Variants in CBLL1 observed in about 807,000 individuals in gnomAD.
CBLL1 encodes E3 ubiquitin-protein ligase Hakai.
A neutral mutation model predicts 44.9 loss-of-function variants in CBLL1; 4 were observed. The observed-to-expected ratio is 0.09, with a 90% CI of 0.04 to 0.20. The LOEUF (loss-of-function observed/expected upper bound fraction) is 0.20, where lower values mean the gene tolerates loss of function less well. CBLL1 is among the 10% of genes least tolerant of loss of function. The probability of loss-of-function intolerance (pLI) is 1.00; values close to 1 mark genes in which losing one functional copy is unlikely to be tolerated. For synonymous variants in CBLL1, 235 were observed against 202.2 expected, an observed-to-expected ratio of 1.16 and a Z score of -1.38; for missense variants, 569 against 636.7, an observed-to-expected ratio of 0.89 and a Z score of 1.14.
Position 107,758,507 on chromosome 7 carries a change from A to G in CBLL1, c.805A>G (p.Met269Val), listed in dbSNP as rs144949923. The change falls in exon 6 of 6, where the codon ATG becomes GTG. Residue 269 changes from methionine to valine, a missense_variant. By Grantham distance (21) the Met-to-Val change is conservative (BLOSUM62 1). Coordinates refer to ENST00000440859, the MANE Select transcript of CBLL1 (RefSeq NM_024814.4). The surrounding 1 kb of genome is among the most constrained non-coding windows in gnomAD (Gnocchi z 4.2). ...DIRAPPAELS[M>V]APPPPRSVSQ... ...TCGTGCTCCTCCAGCAGAATTGTCC[A>G]TGGCTCCACCTCCACCTCGATCGGT... The G allele has an allele frequency of 3.7e-6, 6 of 1,614,036 alleles. No individual in the cohort carries two copies. The African/African-American group carries it at 4.0e-5, about 11-fold the overall frequency.
chr7:107,748,087 ACTC>A (rs1793098707), intron 1 of CBLL1, among the ~76,000 whole-genome samples: 1 of 152,120 alleles, frequency 6.6e-6, no homozygotes, highest in African/African-American at 2.4e-5. Flanking sequence ...ATGAAATAAT[ACTC>A]CTGTTACTCA....
At chr7:107,757,588 C>A (rs1190422456) in intron 5 of CBLL1, among the ~76,000 whole-genome samples, 1 of 152,188 alleles carries the variant, frequency 6.6e-6, no homozygotes, top group Non-Finnish European at 1.5e-5. Flanking sequence ...TCAGAAAAAA[C>A]CCTTCTTTAA....
At position 107,744,196 on chromosome 7, in the gene CBLL1, G is replaced by C; in HGVS notation, c.13+20G>C. 6.5e-7 allele frequency: 1 copy of C among 1,545,618 alleles called. No individual in the cohort carries two copies. Among genetic ancestry groups the C allele is most frequent in the East Asian group, 2.4e-5 (1 of 40,848 alleles). On this transcript the variant is annotated intron_variant, in intron 1 of 5. Transcript: ENST00000440859. ...ACACTGGTAAGGAGGCGGAGGCAGT[G>C]GGGGTCCCGGTTCCAAGCCCCCTTG...
At chr7:107,751,769 T>C (rs1793301902) in intron 2 of CBLL1, among the ~76,000 whole-genome samples, 1 of 152,230 alleles carries the variant, frequency 6.6e-6, no homozygotes, top group Admixed American at 6.5e-5. Flanking sequence ...AATAAGTTTG[T>C]TTTTGATTGT....
rs769546676 is a variant in CBLL1 at position 107,744,157 on chromosome 7, C to A, written c.-7C>A. 1 of 1,554,102 alleles carries A rather than the reference C, an allele frequency of 6.4e-7. No homozygotes were observed. The highest frequency in any genetic ancestry group is 1.2e-5 in the South Asian group (1 of 84,154). On this transcript the variant is annotated 5_prime_UTR_variant, in exon 1 of 6. Coordinates refer to ENST00000440859, the MANE Select transcript of CBLL1 (RefSeq NM_024814.4). ...TTCCGCTCCCACTGTGCTCTGCGAG[C>A]CGAATCATGGATCACACTGGTAAGG...
intron 2 of CBLL1, among the ~76,000 whole-genome samples, chr7:107,750,963 A>T (rs1287343541): frequency 2.7e-5 from 4 of 145,852 alleles, no homozygotes; most frequent in African/African-American, 1.1e-4. Context: ...ATTAAGGGGA[A>T]AAAAGGTGGG....
chr7:107,748,808 T>C (rs1793129327), intron 1 of CBLL1, 72 bp from the exon 2 acceptor site: 1 of 1,347,422 alleles, frequency 7.4e-7, no homozygotes, highest in Non-Finnish European at 1.0e-6. Flanking sequence ...GTATGGTGTT[T>C]TAATACCTGT....
intron 5 of CBLL1, among the ~76,000 whole-genome samples, chr7:107,756,231 A>G (rs566311383): frequency 6.6e-6 from 1 of 152,286 alleles, no homozygotes; most frequent in East Asian, 1.9e-4. Context: ...GGCTTCTTAG[A>G]TCACTTATAA....
intron 4 of CBLL1, among the ~76,000 whole-genome samples, chr7:107,754,996 C>A (rs187267483): frequency 6.6e-6 from 1 of 152,176 alleles, no homozygotes; most frequent in Admixed American, 6.5e-5. Flanking sequence ...TGTGGTGGCA[C>A]ACACCTGTGT....
Position 107,758,607 on chromosome 7 carries a change from A to T in CBLL1, c.905A>T (p.Asn302Ile). ...ACCGTCCCTATTCAGGATGACTCAA[A>T]TTCAGGTGCTAGAGAACCACCACCT... The part of the protein sequence containing the change: ...LITVPIQDDS[N>I]SGAREPPPPA... The change falls in exon 6 of 6, where the codon AAT (asparagine) becomes ATT (isoleucine). Residue 302 changes from asparagine (N) to isoleucine (I), a missense_variant. Physicochemically the swap from Asn to Ile is moderately radical, Grantham distance 149. This residue lies in a region of CBLL1 where 228 missense variants were observed against 253.2 expected (regional missense o/e 0.90). Transcript: ENST00000440859. This position sits in a 1 kb window ranked among gnomAD's most constrained non-coding sequence, Gnocchi z 4.2. 1 of 1,614,022 alleles carries T rather than the reference A, an allele frequency of 6.2e-7. No individual in the cohort carries two copies. Among genetic ancestry groups the T allele is most frequent in the Non-Finnish European group, 8.5e-7 (1 of 1,179,988 alleles).
At chr7:107,746,767 G>C in intron 1 of CBLL1, among the ~76,000 whole-genome samples, 1 of 152,142 alleles carries the variant, frequency 6.6e-6, no homozygotes, top group Admixed American at 6.5e-5. Flanking sequence ...TGTTCTAATA[G>C]AATCTTGCCA....
At chr7:107,753,543 C>A in intron 3 of CBLL1, 32 bp downstream of exon 3, 2 of 1,253,458 alleles carry the variant, frequency 1.6e-6, no homozygotes, top group Non-Finnish European at 2.2e-6. Context: ...TGTATTATAA[C>A]AATAAAATAT....
chr7:107,749,874 G>A (rs945534754), intron 2 of CBLL1, among the ~76,000 whole-genome samples: 9 of 151,894 alleles, frequency 5.9e-5, no homozygotes, highest in African/African-American at 2.2e-4. Context: ...CCTTTCTTCT[G>A]AGTTCTTTGT....
chr7:107,757,913 C>G (rs1056531555), intron 5 of CBLL1, among the ~76,000 whole-genome samples: 5 of 151,988 alleles, frequency 3.3e-5, no homozygotes, highest in African/African-American at 9.7e-5. Context: ...TTGAAACATA[C>G]CGTTTGATAT....
intron 1 of CBLL1, chr7:107,744,842 G>C (rs1792928817): frequency 6.6e-6 from 1 of 152,196 alleles, no homozygotes; most frequent in Non-Finnish European, 1.5e-5. Context: ...CTCCAAGTAA[G>C]AGTGGCTCCA....
At chr7:107,744,314 C>G (rs1015329034) in intron 1 of CBLL1, 138 bp downstream of exon 1, 7 of 1,090,570 alleles carry the variant, frequency 6.4e-6, no homozygotes, top group Non-Finnish European at 8.8e-6. Flanking sequence ...TCACAGATGC[C>G]TTCCTGTGCC....
chr7:107,749,184 T>C (rs1488787219), intron 2 of CBLL1, 137 bp downstream of exon 2: 6 of 625,502 alleles, frequency 9.6e-6, no homozygotes, highest in African/African-American at 1.9e-5. Context: ...TGACTTCTCA[T>C]TGTAGCACAT....
Position 107,759,493 on chromosome 7 carries a change from G to A in CBLL1, c.*315G>A, listed in dbSNP as rs1321112734. 14 of 215,524 alleles carry A rather than the reference G, an allele frequency of 6.5e-5. No individual in the cohort carries two copies. The highest frequency in any genetic ancestry group is 2.7e-4 in the African/African-American group (12 of 43,804). The allele number at this position is 215,524 out of a possible 1,614,324, so 13.4% of individuals were successfully genotyped here. ...AATTTTTCATTGTTTTACTTCAAAA[G>A]TATTGTTTTGTTAAACCCAACGTTT... On this transcript the variant is annotated 3_prime_UTR_variant, in exon 6 of 6. Coordinates refer to ENST00000440859, the MANE Select transcript of CBLL1 (RefSeq NM_024814.4).
intron 2 of CBLL1, 88 bp from the exon 3 acceptor site, chr7:107,753,323 T>A (rs1169157208): frequency 1.3e-6 from 1 of 774,688 alleles, no homozygotes; most frequent in African/African-American, 1.8e-5. Context: ...AGCTTTTTAG[T>A]GAAAAGGTCT....
Sources: gnomAD v4.1 joint callset for allele counts (sites outside exome capture counted in the v4.1 genomes callset) on GRCh38, gnomAD v4.1.1 for gene constraint, gnomAD v4.1.1 regional missense constraint, Gnocchi (gnomAD v3.1) non-coding constraint, MANE v1.5 for transcripts, NCBI Gene and HGNC (gene_info 2026-07-23, HGNC 2026-07-21) for gene names.